Variants in INO80 observed in about 807,000 individuals in gnomAD.
INO80 encodes INO80 complex ATPase subunit.
INO80 carries 20 observed loss-of-function variants against 203.4 expected under a neutral mutation model. That is an observed-to-expected ratio of 0.10 (90% CI 0.07 to 0.14). INO80 has a LOEUF of 0.14. Among genes scored for constraint, INO80 ranks in the 10% least tolerant of loss-of-function variants. The pLI, the probability that INO80 is intolerant of heterozygous loss-of-function variation, is 1.00. For missense variants in INO80, 1,419 were observed against 1,914.4 expected, an observed-to-expected ratio of 0.74 and a Z score of 4.83; for synonymous variants, 726 against 685.2, an observed-to-expected ratio of 1.06 and a Z score of -0.93.
chr15:40,986,188 A>AT (rs757937298), intron 31 of INO80, among the ~76,000 whole-genome samples: 2 of 151,956 alleles, frequency 1.3e-5, no homozygotes, highest in African/African-American at 2.4e-5. Flanking sequence ...CCATAAAAAC[A>AT]TTTTTCTGGG....
intron 1 of INO80, among the ~76,000 whole-genome samples, chr15:41,109,568 G>A (rs567068417): frequency 6.6e-5 from 10 of 151,250 alleles, no homozygotes; most frequent in Non-Finnish European, 1.0e-4. Flanking sequence ...AGGCTGAGGC[G>A]GGTGGATCAC....
intron 14 of INO80, among the ~76,000 whole-genome samples, chr15:41,060,213 G>T (rs1040479198): frequency 2.0e-5 from 3 of 152,150 alleles, no homozygotes; most frequent in Admixed American, 6.5e-5. Flanking sequence ...CTAGTATGTG[G>T]TATACTTTAT....
At chr15:40,998,983 TACACACACACACACAC>T (rs10650860) in intron 28 of INO80, among the ~76,000 whole-genome samples, 19 of 140,438 alleles carry the variant, frequency 1.4e-4, no homozygotes, top group African/African-American at 4.6e-4. Flanking sequence ...AAGATTTATC[TACACACACACACACAC>T]ACACACACAC....
At chr15:41,080,450 C>T (rs1004793874) in intron 8 of INO80, among the ~76,000 whole-genome samples, 8 of 152,134 alleles carry the variant, frequency 5.3e-5, no homozygotes, top group South Asian at 2.1e-4. Context: ...ATTTCTTAGA[C>T]GAGACTGAAG....
At chr15:41,075,270 C>T (rs1305624854) in intron 9 of INO80, among the ~76,000 whole-genome samples, 1 of 150,036 alleles carries the variant, frequency 6.7e-6, no homozygotes, top group African/African-American at 2.5e-5. Context: ...ATGTCAGAAA[C>T]TTTTCTTTTT....
chr15:41,076,763 A>C (rs1483466786), intron 9 of INO80, among the ~76,000 whole-genome samples: 2 of 152,110 alleles, frequency 1.3e-5, no homozygotes, highest in African/African-American at 4.8e-5. Context: ...CCTCTACTCT[A>C]AAATAACCTA....
chr15:40,996,389 C>T (rs1246765759), intron 29 of INO80, among the ~76,000 whole-genome samples: 1 of 152,196 alleles, frequency 6.6e-6, no homozygotes, highest in African/African-American at 2.4e-5. Flanking sequence ...GTGGCATGAT[C>T]TTGGCTCACT....
At chr15:41,040,535 A>G (rs914604341) in intron 24 of INO80, among the ~76,000 whole-genome samples, 1 of 152,232 alleles carries the variant, frequency 6.6e-6, no homozygotes, top group Non-Finnish European at 1.5e-5. Flanking sequence ...TTGGAGGCAA[A>G]GAATTCTTCA....
At chr15:41,064,676 C>T (rs1334970245) in intron 14 of INO80, among the ~76,000 whole-genome samples, 1 of 152,154 alleles carries the variant, frequency 6.6e-6, no homozygotes, top group Non-Finnish European at 1.5e-5. Flanking sequence ...AATCAATACT[C>T]TAAGCTCCAT....
At chr15:41,053,512 G>A (rs973849435) in intron 19 of INO80, among the ~76,000 whole-genome samples, 2 of 152,136 alleles carry the variant, frequency 1.3e-5, no homozygotes, top group Admixed American at 1.3e-4. Flanking sequence ...TTTTAAATAG[G>A]TGTGATAATG....
chr15:40,980,860 C>T (rs1011982950), intron 35 of INO80, among the ~76,000 whole-genome samples: 9 of 152,160 alleles, frequency 5.9e-5, no homozygotes, highest in Admixed American at 3.3e-4. Context: ...CATGCTCCTG[C>T]TACTCTCCAG....
At chr15:41,027,922 A>C in intron 24 of INO80, 186 bp from the exon 25 acceptor site, 1 of 403,280 alleles carries the variant, frequency 2.5e-6, no homozygotes, top group Non-Finnish European at 4.4e-6. Context: ...TGTTAATTTC[A>C]AAATGTGGTT....
At chr15:41,041,209 C>G (rs186352125) in intron 24 of INO80, among the ~76,000 whole-genome samples, 1 of 152,088 alleles carries the variant, frequency 6.6e-6, no homozygotes, top group African/African-American at 2.4e-5. Context: ...CCACCTCAGC[C>G]TCCCAAGTAG....
intron 28 of INO80, among the ~76,000 whole-genome samples, chr15:40,998,608 G>GA (rs1284919104): frequency 6.6e-6 from 1 of 151,678 alleles, no homozygotes; most frequent in Non-Finnish European, 1.5e-5. Flanking sequence ...AATATTTACG[G>GA]AATGTCTTCT....
At chr15:41,050,859 C>T (rs950282953) in intron 19 of INO80, among the ~76,000 whole-genome samples, 24 of 152,232 alleles carry the variant, frequency 1.6e-4, no homozygotes, top group African/African-American at 3.1e-4. Context: ...TCAGGCCGGA[C>T]GCAGTGGCTC....
chr15:41,087,302 C>A (rs1475212668), intron 6 of INO80, among the ~76,000 whole-genome samples: 1 of 152,112 alleles, frequency 6.6e-6, no homozygotes, highest in African/African-American at 2.4e-5. Flanking sequence ...ATGTGCACAG[C>A]TCATATGCAA....
Position 41,047,487 on chromosome 15 carries a change from TTTC to T in INO80, c.2653_2655del (p.Glu885del), listed in dbSNP as rs1451943146. 1 of 1,607,844 alleles carries T rather than the reference TTTC, an allele frequency of 6.2e-7. No individual in the cohort carries two copies. On this transcript the variant is annotated inframe_deletion, in exon 23 of 36. Coordinates refer to ENST00000648947, the MANE Select transcript of INO80 (RefSeq NM_017553.3). ...ATAAAGCGAAGGAAAGAGAAACAGC[TTTC>T]TTCATTAATACCTGAAATATAAAAG...
chr15:40,987,807 T>C lies in INO80; in HGVS notation c.3729+9A>G, dbSNP rs372349952. 8.7e-6 allele frequency: 14 copies of C among 1,610,800 alleles called. No homozygotes were observed. In the African/African-American group the frequency reaches 1.9e-4, roughly 22 times the overall value. ...CACCAGTGTAGGAATTTCTTTCTCTTGTGCTTACCTCACTCTTCTCCTTGG... is the reference window on the plus strand; with the variant it reads ...CACCAGTGTAGGAATTTCTTTCTCTCGTGCTTACCTCACTCTTCTCCTTGG... On this transcript the variant is annotated intron_variant, in intron 30 of 35. Coordinates refer to ENST00000648947, the MANE Select transcript of INO80 (RefSeq NM_017553.3).
intron 35 of INO80, among the ~76,000 whole-genome samples, chr15:40,980,966 C>T (rs1233916280): frequency 6.6e-6 from 1 of 152,192 alleles, no homozygotes; most frequent in Non-Finnish European, 1.5e-5. Context: ...CCCTGCTCTC[C>T]AAGGCCTGTG....
Sources: gnomAD v4.1 joint callset for allele counts (sites outside exome capture counted in the v4.1 genomes callset) on GRCh38, gnomAD v4.1.1 for gene constraint, MANE v1.5 for transcripts, NCBI Gene and HGNC (gene_info 2026-07-23, HGNC 2026-07-21) for gene names.